The following POLR1A variants were observed in gnomAD, a reference collection of about 807,000 sequenced individuals.
POLR1A encodes the protein DNA-directed RNA polymerase I subunit RPA1.
In POLR1A, 84 loss-of-function variants were observed where a neutral mutation model predicts 205.3. The ratio of observed to expected loss-of-function variants is 0.41; its 90% CI spans 0.34 to 0.49. POLR1A has a LOEUF of 0.49. Among genes scored for constraint, POLR1A ranks in the 20% least tolerant of loss-of-function variants. The probability of loss-of-function intolerance (pLI) is 0.22; values close to 1 mark genes in which losing one functional copy is unlikely to be tolerated. For missense variants in POLR1A, 1,645 were observed against 2,204.5 expected (o/e 0.75, Z 5.08); for synonymous variants, 799 against 863.7 (o/e 0.93, Z 1.31).
At chr2:86,069,981 G>T in intron 13 of POLR1A, 37 bp downstream of exon 13, 2 of 1,595,604 alleles carry the variant, frequency 1.3e-6, no homozygotes, top group South Asian at 1.1e-5. Flanking sequence ...AAGTCATGCT[G>T]ACGATGACCA....
At chr2:86,052,629 T>C (rs1672823589) in intron 16 of POLR1A, among the ~76,000 whole-genome samples, 188 bp downstream of exon 16, 1 of 152,152 alleles carries the variant, frequency 6.6e-6, no homozygotes, top group African/African-American at 2.4e-5. Flanking sequence ...TGGGGGTGAA[T>C]GGACTATCTG....
chr2:86,099,195 A>T (rs1673765962), intron 2 of POLR1A, among the ~76,000 whole-genome samples: 1 of 151,938 alleles, frequency 6.6e-6, no homozygotes, highest in South Asian at 2.1e-4. Flanking sequence ...TAATTTTTGT[A>T]AAAATACAAA....
intron 9 of POLR1A, 23 bp from the exon 10 acceptor site, chr2:86,078,307 CAG>C (rs1673334822): frequency 6.4e-7 from 1 of 1,550,912 alleles, no homozygotes; most frequent in Non-Finnish European, 8.7e-7. Context: ...ACCAAGAAAA[CAG>C]GGATGATGGA....
At chr2:86,034,500 T>A (rs1300180274) in intron 27 of POLR1A, among the ~76,000 whole-genome samples, 1 of 152,248 alleles carries the variant, frequency 6.6e-6, no homozygotes, top group Non-Finnish European at 1.5e-5. Context: ...CCTGGCCCCC[T>A]GCCACTTCCT....
Position 86,083,232 on chromosome 2 carries a change from A to T in POLR1A, c.731-64T>A, listed in dbSNP as rs1398605467. The stretch of plus-strand genomic sequence containing the variant: ...AAACAGGTACTCTTTCTGCAATGGG[A>T]TTTATCAATTCTTTATCCCCAAGCC... On this transcript the variant is annotated intron_variant, in intron 6 of 33. Transcript: ENST00000263857. 3 of 1,128,130 alleles carry T rather than the reference A, an allele frequency of 2.7e-6. No homozygotes were observed. The African/African-American group carries it at 4.6e-5, about 17-fold the overall frequency. 69.9% of individuals were successfully genotyped at this position (1,128,130 alleles called of 1,614,324 possible). A position where few individuals can be genotyped will look rare whatever the true frequency, so the allele number is the denominator to read the frequency against.
In POLR1A at chr2:86,038,918, GAGTGGGTTACGAGACCCA is replaced by G. The variant is rs1672548678; in HGVS notation, c.3877-79_3877-62del. 2.6e-6 allele frequency: 4 copies of G among 1,510,990 alleles called. No homozygotes were observed. In the Admixed American group the frequency reaches 6.8e-5, roughly 26 times the overall value. 93.6% of individuals were successfully genotyped at this position (1,510,990 alleles called of 1,614,324 possible). A position where few individuals can be genotyped will look rare whatever the true frequency, so the allele number is the denominator to read the frequency against. On this transcript the variant is annotated intron_variant, in intron 26 of 33. Transcript: ENST00000263857. ...CAGGTCCTAGGTGACTGCGCAATGT[GAGTGGGTTACGAGACCCA>G]AGGGTTTACAGAGATAGCAGCTGAG...
At chr2:86,078,405 T>C in intron 9 of POLR1A, 121 bp from the exon 10 acceptor site, 1 of 689,306 alleles carries the variant, frequency 1.5e-6, no homozygotes, top group Non-Finnish European at 2.4e-6. Flanking sequence ...TTATCTCCTC[T>C]GAACCTGACA....
At chr2:86,104,912 A>G (rs919355446) in intron 1 of POLR1A, among the ~76,000 whole-genome samples, 6 of 152,256 alleles carry the variant, frequency 3.9e-5, no homozygotes, top group Non-Finnish European at 8.8e-5. Flanking sequence ...ATAAATCATG[A>G]AAGTGGTGAG....
chr2:86,075,269 G>A lies in POLR1A; in HGVS notation c.1381-9C>T. 6.4e-7 allele frequency: 1 copy of A among 1,571,064 alleles called. No homozygotes were observed. The highest frequency in any genetic ancestry group is 1.3e-5 in the African/African-American group (1 of 74,318). Reference sequence around the variant, plus strand: ...AGTTTTGTGGCAAACACCTGGAAATGAGGAATGGAGGTAGAAATTCAGGGC... The same window carrying A: ...AGTTTTGTGGCAAACACCTGGAAATAAGGAATGGAGGTAGAAATTCAGGGC... On this transcript the variant is annotated splice_polypyrimidine_tract_variant and intron_variant, in intron 11 of 33. Coordinates refer to ENST00000263857, the MANE Select transcript of POLR1A (RefSeq NM_015425.6).
intron 9 of POLR1A, among the ~76,000 whole-genome samples, chr2:86,079,625 C>A (rs1266291037): frequency 6.6e-6 from 1 of 151,994 alleles, no homozygotes; most frequent in Non-Finnish European, 1.5e-5. Context: ...GGCAGTGGTG[C>A]GATCACAGCT....
intron 19 of POLR1A, among the ~76,000 whole-genome samples, chr2:86,046,238 T>C (rs1672707876): frequency 6.6e-6 from 1 of 152,130 alleles, no homozygotes; most frequent in Non-Finnish European, 1.5e-5. Flanking sequence ...GAGACCACCC[T>C]GGGCAATACA....
chr2:86,100,662 T>C (rs1013571986), intron 1 of POLR1A, among the ~76,000 whole-genome samples: 2 of 151,658 alleles, frequency 1.3e-5, no homozygotes, highest in African/African-American at 4.9e-5. Context: ...GCCTCCCGAG[T>C]AGCTGGGACC....
At chr2:86,084,561 G>A (rs1673466593) in intron 6 of POLR1A, among the ~76,000 whole-genome samples, 1 of 152,026 alleles carries the variant, frequency 6.6e-6, no homozygotes, top group Admixed American at 6.5e-5. Flanking sequence ...CCTAACACTT[G>A]ACAGGGTGTC....
At chr2:86,039,151 C>G (rs2289237) in intron 26 of POLR1A, among the ~76,000 whole-genome samples, 176 bp downstream of exon 26, 5,272 of 152,264 alleles carry the variant, frequency 0.035, 226 homozygotes, top group East Asian at 0.23. Flanking sequence ...ACTAATGACT[C>G]TCTTAAAAGC....
rs1690178519 is a variant in POLR1A at position 86,022,995 on chromosome 2, C to G, written c.*4428G>C. 1 of 152,236 alleles carries G rather than the reference C, an allele frequency of 6.6e-6. No homozygotes were observed. The highest frequency in any genetic ancestry group is 2.4e-5 in the African/African-American group (1 of 41,428). The allele number at this position is 152,236 out of a possible 1,614,324, so 9.4% of individuals were successfully genotyped here. On this transcript the variant is annotated 3_prime_UTR_variant, in exon 34 of 34. Transcript: ENST00000263857. ...TCCCCGGTTCAAGTGATTCTCCTGC[C>G]TCAGCCTCCTGAGTAGCTGGGTGAA...
chr2:86,066,763 T>C (rs941166159), intron 13 of POLR1A, among the ~76,000 whole-genome samples: 1 of 152,216 alleles, frequency 6.6e-6, no homozygotes, highest in African/African-American at 2.4e-5. Flanking sequence ...ATGGGCTCTA[T>C]GTAAACTCAA....
At chr2:86,095,112 C>A (rs1462540301) in intron 3 of POLR1A, among the ~76,000 whole-genome samples, 1 of 152,242 alleles carries the variant, frequency 6.6e-6, no homozygotes, top group Non-Finnish European at 1.5e-5. Flanking sequence ...CTGGCTGAGT[C>A]CCTGTGCAGG....
chr2:86,045,583 G>C, intron 20 of POLR1A, 34 bp downstream of exon 20: 1 of 1,611,824 alleles, frequency 6.2e-7, no homozygotes, highest in Non-Finnish European at 8.5e-7. Flanking sequence ...TAGAAATGAG[G>C]GAAAAAGCTA....
At position 86,028,397 on chromosome 2, in the gene POLR1A, C is replaced by T. The variant is rs1264295923; in HGVS notation, c.4897+197G>A. ...GCAGATGAGACACCACTGAAGCGGT[C>T]TCAGTGATGGGAGACGTCACCTCTT... On this transcript the variant is annotated intron_variant, in intron 32 of 33. Transcript: ENST00000263857. This position sits in a 1 kb window ranked among gnomAD's most constrained non-coding sequence, Gnocchi z 4.5. 6.6e-6 allele frequency among the ~76,000 whole-genome samples: 1 copy of T among 152,216 alleles called. No individual in the cohort carries two copies. Among genetic ancestry groups the T allele is most frequent in the Non-Finnish European group, 1.5e-5 (1 of 68,046 alleles).
Sources: allele counts gnomAD v4.1 joint callset (sites outside exome capture counted in the v4.1 genomes callset), GRCh38; gene constraint gnomAD v4.1.1; non-coding constraint Gnocchi (gnomAD v3.1); transcripts MANE v1.5; gene names NCBI Gene and HGNC (gene_info 2026-07-23, HGNC 2026-07-21).